The following LDLRAD4 variants were observed in gnomAD, a reference collection of about 807,000 sequenced individuals.
LDLRAD4 encodes the protein low-density lipoprotein receptor class A domain-containing protein 4.
In LDLRAD4, 5 loss-of-function variants were observed where a neutral mutation model predicts 17.0. The ratio of observed to expected loss-of-function variants is 0.29; its 90% CI spans 0.15 to 0.62. The LOEUF (loss-of-function observed/expected upper bound fraction) is 0.62, where lower values mean the gene tolerates loss of function less well. Among genes scored for constraint, LDLRAD4 ranks in the 20% least tolerant of loss-of-function variants. LDLRAD4 has a pLI of 0.84. For synonymous variants in LDLRAD4, 168 were observed against 171.8 expected (o/e 0.98, Z 0.17); for missense variants, 340 against 424.7 (o/e 0.80, Z 1.75).
intron 3 of LDLRAD4, among the ~76,000 whole-genome samples, chr18:13,577,265 G>A (rs1236848474): frequency 2.0e-5 from 3 of 152,098 alleles, no homozygotes; most frequent in Admixed American, 1.3e-4. Flanking sequence ...GGGAAATTAG[G>A]CTAATATTTC....
chr18:13,479,028 A>G (rs2093018814), intron 3 of LDLRAD4, among the ~76,000 whole-genome samples: 1 of 152,242 alleles, frequency 6.6e-6, no homozygotes, highest in South Asian at 2.1e-4. Flanking sequence ...AGGCAAGATT[A>G]TCTTTTCAAC....
Position 13,640,111 on chromosome 18 carries a change from C to T in LDLRAD4, c.337-3248C>T, listed in dbSNP as rs574077750. On this transcript the variant is annotated intron_variant, in intron 4 of 5. Transcript: ENST00000359446. Reference sequence around the variant, plus strand: ...AGGATCCTGGCTAATATGGTGAAACCGCGTCTCTACTAACAGTACAAAAAA... The same window carrying T: ...AGGATCCTGGCTAATATGGTGAAACTGCGTCTCTACTAACAGTACAAAAAA... Among the ~76,000 whole-genome samples, 34 of 151,950 alleles carry T rather than the reference C, an allele frequency of 2.2e-4. 1 individual carries two copies. The highest frequency in any genetic ancestry group is 7.2e-4 in the African/African-American group (30 of 41,438).
At chr18:13,270,465 G>A (rs191867372) in intron 1 of LDLRAD4, among the ~76,000 whole-genome samples, 8 of 152,326 alleles carry the variant, frequency 5.3e-5, no homozygotes, top group Admixed American at 4.6e-4. Flanking sequence ...AAGTATGCTC[G>A]TTCCAGGCCT....
intron 3 of LDLRAD4, chr18:13,470,885 CA>C (rs11359084): frequency 0.9 from 136,212 of 151,616 alleles, 62,552 homozygotes; most frequent in East Asian, 1. Flanking sequence ...TGTTAGGACG[CA>C]ATGCCTAGCA....
intron 2 of LDLRAD4, among the ~76,000 whole-genome samples, chr18:13,425,481 A>G (rs2089853442): frequency 6.6e-6 from 1 of 152,218 alleles, no homozygotes; most frequent in Admixed American, 6.5e-5. Context: ...GTGGAGCAGA[A>G]TTAAAGCTCA....
At chr18:13,386,925 TA>T (rs2085865385) in intron 1 of LDLRAD4, among the ~76,000 whole-genome samples, 3 of 146,474 alleles carry the variant, frequency 2.0e-5, no homozygotes, top group African/African-American at 7.8e-5. Context: ...GATAGATAGA[TA>T]GATAGATAGA....
At chr18:13,516,454 C>T (rs2093867827) in intron 3 of LDLRAD4, among the ~76,000 whole-genome samples, 1 of 152,154 alleles carries the variant, frequency 6.6e-6, no homozygotes, top group African/African-American at 2.4e-5. Context: ...GACACCTGTG[C>T]CTCTGAGGCC....
rs148581499 is a variant in LDLRAD4 at position 13,498,678 on chromosome 18, C to T, written c.181+60294C>T. On this transcript the variant is annotated intron_variant, in intron 3 of 5. Transcript: ENST00000359446. ...ACTGGAGAATCCTTTTCCCCACACA[C>T]GTCCTGCTGTGGACACTGGAGAATC... is the stretch of plus-strand genomic sequence containing the variant. 3.0e-3 allele frequency among the ~76,000 whole-genome samples: 442 copies of T among 147,766 alleles called. 4 individuals are homozygous for T. Among genetic ancestry groups the T allele is most frequent in the African/African-American group, 0.011 (421 of 39,762 alleles).
At chr18:13,279,926 A>C (rs1331703388) in intron 1 of LDLRAD4, 1 of 152,240 alleles carries the variant, frequency 6.6e-6, no homozygotes. Context: ...GTTACTTGCA[A>C]AATTTTGTCC....
Position 13,537,145 on chromosome 18 carries a change from T to G in LDLRAD4, c.182-83972T>G, listed in dbSNP as rs74441736. ...GAGTAGTATTGGTTCATAAAATGAATAGAGAAATTGTCCTGTTTCCTCTAT... is the reference window on the plus strand; with the variant it reads ...GAGTAGTATTGGTTCATAAAATGAAGAGAGAAATTGTCCTGTTTCCTCTAT... On this transcript the variant is annotated intron_variant, in intron 3 of 5. Transcript: ENST00000359446. 1.6e-4 allele frequency among the ~76,000 whole-genome samples: 24 copies of G among 152,358 alleles called. No individual in the cohort carries two copies. The East Asian group carries it at 3.7e-3, about 23-fold the overall frequency.
intron 3 of LDLRAD4, among the ~76,000 whole-genome samples, chr18:13,450,041 C>A (rs1447690774): frequency 6.6e-6 from 1 of 152,198 alleles, no homozygotes; most frequent in Admixed American, 6.5e-5. Flanking sequence ...GTTCGCTCTT[C>A]CATTTGCATA....
chr18:13,396,295 T>A (rs2086690697), intron 2 of LDLRAD4, among the ~76,000 whole-genome samples: 1 of 152,226 alleles, frequency 6.6e-6, no homozygotes, highest in Admixed American at 6.5e-5. Context: ...TGTAATTCTG[T>A]GCTCTGTTAG....
At chr18:13,501,428 G>A (rs1421326657) in intron 3 of LDLRAD4, 1 of 152,236 alleles carries the variant, frequency 6.6e-6, no homozygotes, top group Non-Finnish European at 1.5e-5. Flanking sequence ...GCCGAGAAGA[G>A]CTGAGTACCT....
At chr18:13,603,825 G>A (rs1302566950) in intron 3 of LDLRAD4, among the ~76,000 whole-genome samples, 1 of 152,228 alleles carries the variant, frequency 6.6e-6, no homozygotes, top group African/African-American at 2.4e-5. Flanking sequence ...GAGATGTGAA[G>A]CAGGGACAGC....
chr18:13,382,624 TGTGC>T (rs1390988501), intron 1 of LDLRAD4: 1 of 145,786 alleles, frequency 6.9e-6, no homozygotes, highest in Non-Finnish European at 1.6e-5. Context: ...TGCGTGTGTG[TGTGC>T]GTGTGTGTGC....
chr18:13,424,719 A>G (rs1381062954), intron 2 of LDLRAD4, among the ~76,000 whole-genome samples: 1 of 152,176 alleles, frequency 6.6e-6, no homozygotes, highest in Non-Finnish European at 1.5e-5. Flanking sequence ...GTCAGTAGGC[A>G]TTTGTCACGC....
chr18:13,549,405 C>T (rs1019108463), intron 3 of LDLRAD4, among the ~76,000 whole-genome samples: 27 of 152,092 alleles, frequency 1.8e-4, no homozygotes, highest in African/African-American at 6.5e-4. Context: ...CCATGGTCCC[C>T]AGCTGGGGTG....
At chr18:13,408,935 A>G (rs1050201539) in intron 2 of LDLRAD4, among the ~76,000 whole-genome samples, 1 of 151,992 alleles carries the variant, frequency 6.6e-6, no homozygotes, top group Non-Finnish European at 1.5e-5. Context: ...CTTTTTAAGC[A>G]ATGGAAATAA....
At chr18:13,592,038 A>G (rs997055039) in intron 3 of LDLRAD4, among the ~76,000 whole-genome samples, 1 of 152,240 alleles carries the variant, frequency 6.6e-6, no homozygotes, top group African/African-American at 2.4e-5. Context: ...ACAGAGCCAA[A>G]GGTGCACATG....
Sources: gnomAD v4.1 joint callset for allele counts (sites outside exome capture counted in the v4.1 genomes callset) on GRCh38, gnomAD v4.1.1 for gene constraint, MANE v1.5 for transcripts, NCBI Gene and HGNC (gene_info 2026-07-23, HGNC 2026-07-21) for gene names.